The following PYROXD1 variants were observed in gnomAD, a reference collection of about 807,000 sequenced individuals.
PYROXD1 encodes the protein pyridine nucleotide-disulphide oxidoreductase domain 1.
A neutral mutation model predicts 62.0 loss-of-function variants in PYROXD1; 42 were observed. The ratio of observed to expected loss-of-function variants is 0.68; its 90% CI spans 0.53 to 0.88. The LOEUF (loss-of-function observed/expected upper bound fraction) is 0.88. PYROXD1 is among the 40% of genes least tolerant of loss of function. The pLI, the probability that PYROXD1 is intolerant of heterozygous loss-of-function variation, is 0.00. For missense variants in PYROXD1, 493 were observed against 604.8 expected (o/e 0.82, Z 1.94); for synonymous variants, 170 against 206.4 (o/e 0.82, Z 1.51).
In PYROXD1 at chr12:21,462,024, T is replaced by C. The variant is rs531199434; in HGVS notation, c.897T>C (p.Tyr299=). 6.2e-7 allele frequency: 1 copy of C among 1,610,210 alleles called. No individual in the cohort carries two copies. Among genetic ancestry groups the C allele is most frequent in the Admixed American group, 1.7e-5 (1 of 59,942 alleles). The part of the protein sequence containing the change: ...VTADTEMWPV[Y]VELTNEKIYG... ...TTCTTAAAGAGATGTGGCCTGTCTA[T>C]GTGGAATTGACCAATGAAAAGATAT... Residue 299 remains tyrosine, a synonymous_variant, in exon 9 of 12, where the codon TAT becomes TAC. Transcript: ENST00000240651.
chr12:21,448,697 A>G (rs11610942), intron 3 of PYROXD1, among the ~76,000 whole-genome samples: 54,793 of 152,106 alleles, frequency 0.36, 11,262 homozygotes, highest in South Asian at 0.51. Context: ...ACTTGGCACA[A>G]ACATTAACCC....
chr12:21,451,558 T>G (rs978618582), intron 4 of PYROXD1, among the ~76,000 whole-genome samples: 1 of 152,130 alleles, frequency 6.6e-6, no homozygotes, highest in African/African-American at 2.4e-5. Context: ...AGTCCCTTAT[T>G]TCCATTTATA....
rs1942919626 is a variant in PYROXD1, at chr12:21,470,453, T to G, written c.*1699T>G. The G allele has an allele frequency of 8.1e-7, 1 of 1,227,770 alleles. No homozygotes were observed. Among genetic ancestry groups the G allele is most frequent in the African/African-American group, 1.5e-5 (1 of 65,074 alleles). The allele number at this position is 1,227,770 out of a possible 1,614,324, so 76.1% of individuals were successfully genotyped here. On this transcript the variant is annotated 3_prime_UTR_variant, in exon 12 of 12. Coordinates refer to ENST00000240651, the MANE Select transcript of PYROXD1 (RefSeq NM_024854.5). Reference sequence around the variant, plus strand: ...AAATATTCTTTCTGTATCAGTTGGCTTTTTAAGTATACAGGGGTCTAGTTT... The same window carrying G: ...AAATATTCTTTCTGTATCAGTTGGCGTTTTAAGTATACAGGGGTCTAGTTT...
intron 7 of PYROXD1, among the ~76,000 whole-genome samples, chr12:21,457,430 A>C (rs984588734): frequency 3.1e-5 from 4 of 129,316 alleles, no homozygotes; most frequent in Middle Eastern, 4.2e-3. Context: ...TTTTGAAATG[A>C]ATCTTTTTTT....
In PYROXD1 at chr12:21,467,187, T is replaced by C. The variant is rs1942811406; in HGVS notation, c.1117-294T>C. ...ATTTTTGAAGAAGGGACTGGTTAAT[T>C]AAAACATTTTTCTCACCTGGTATAG... On this transcript the variant is annotated intron_variant, in intron 10 of 11. Transcript: ENST00000240651. 4 of 225,336 alleles carry C rather than the reference T, an allele frequency of 1.8e-5. No homozygotes were observed. The Admixed American group carries it at 2.3e-4, about 13-fold the overall frequency. 14.0% of individuals were successfully genotyped at this position (225,336 alleles called of 1,614,324 possible).
In PYROXD1 at chr12:21,451,787, A is replaced by G. The variant is rs80193295; in HGVS notation, c.415-294A>G. Among the ~76,000 whole-genome samples, 423 of 152,282 alleles carry G rather than the reference A, an allele frequency of 2.8e-3. 2 individuals carry two copies. The highest frequency in any genetic ancestry group is 9.8e-3 in the African/African-American group (406 of 41,558). On this transcript the variant is annotated intron_variant, in intron 4 of 11. Transcript: ENST00000240651. Reference sequence around the variant, plus strand: ...TGGTCAAATAATTGGGAATGTGGTAAGTTAATAGTGCCTCCTGCCGAAATT... The same window carrying G: ...TGGTCAAATAATTGGGAATGTGGTAGGTTAATAGTGCCTCCTGCCGAAATT...
intron 10 of PYROXD1, among the ~76,000 whole-genome samples, chr12:21,465,114 G>A (rs569719814): frequency 5.3e-5 from 8 of 152,262 alleles, no homozygotes; most frequent in African/African-American, 1.7e-4. Flanking sequence ...ATTGTGAATA[G>A]TGCCGCTATA....
intron 1 of PYROXD1, chr12:21,438,133 CTTTTTATTTT>C (rs1379440014): frequency 1.6e-5 from 5 of 316,034 alleles, no homozygotes; most frequent in African/African-American, 6.5e-5. Context: ...AGCCCCCTTT[CTTTTTATTTT>C]TTTTTCTTTT....
chr12:21,439,605 TA>T (rs200941252), intron 1 of PYROXD1, among the ~76,000 whole-genome samples: 7 of 150,954 alleles, frequency 4.6e-5, no homozygotes, highest in African/African-American at 4.9e-5. Flanking sequence ...CCATCTCCAT[TA>T]AAAAAAAAAT....
Position 21,470,147 on chromosome 12 carries a change from A to G in PYROXD1, c.*1393A>G, listed in dbSNP as rs1320158874. ...TGTCTAACTACAAAAATAATGGCAT[A>G]TACATGCATAAACCATCTTTAATTA... On this transcript the variant is annotated 3_prime_UTR_variant, in exon 12 of 12. Transcript: ENST00000240651. The G allele has an allele frequency of 8.2e-5, 131 of 1,598,466 alleles. No homozygotes were observed. Among genetic ancestry groups the G allele is most frequent in the Admixed American group, 2.6e-4 (15 of 57,436 alleles).
chr12:21,464,386 C>A (rs1942753497), intron 10 of PYROXD1, among the ~76,000 whole-genome samples: 1 of 151,790 alleles, frequency 6.6e-6, no homozygotes, highest in African/African-American at 2.4e-5. Context: ...GACCCCCAGC[C>A]ATAAACTGCC....
chr12:21,471,172 CTA>C lies in PYROXD1; in HGVS notation c.*2422_*2423del. 2 of 1,374,056 alleles carry C rather than the reference CTA, an allele frequency of 1.5e-6. No individual in the cohort carries two copies. Among genetic ancestry groups the C allele is most frequent in the African/African-American group, 3.0e-5 (2 of 66,948 alleles). The allele number at this position is 1,374,056 out of a possible 1,614,324, so 85.1% of individuals were successfully genotyped here. A position where few individuals can be genotyped will look rare whatever the true frequency, so the allele number is the denominator to read the frequency against. ...GAAAACAAATTTATAAAAGAAATAA[CTA>C]TATGCGCAGTAATTCTTAACACATT... On this transcript the variant is annotated 3_prime_UTR_variant, in exon 12 of 12. Transcript: ENST00000240651.
chr12:21,462,980 G>A, intron 10 of PYROXD1, 118 bp downstream of exon 10: 1 of 871,074 alleles, frequency 1.1e-6, no homozygotes, highest in South Asian at 2.1e-5. Flanking sequence ...TAGGAAGCTA[G>A]CACAGTTGTT....
At chr12:21,464,811 G>C (rs1472028679) in intron 10 of PYROXD1, among the ~76,000 whole-genome samples, 7 of 151,454 alleles carry the variant, frequency 4.6e-5, no homozygotes, top group Non-Finnish European at 8.8e-5. Context: ...GTGCCATGTT[G>C]GTGTGCTGCA....
chr12:21,455,340 A>G (rs1296118085), intron 6 of PYROXD1, 48 bp downstream of exon 6: 6 of 1,225,974 alleles, frequency 4.9e-6, no homozygotes, highest in Non-Finnish European at 6.5e-6. Flanking sequence ...ACTTTTTTAA[A>G]ACCATATAGA....
intron 11 of PYROXD1, among the ~76,000 whole-genome samples, 189 bp downstream of exon 11, chr12:21,467,807 T>C (rs1942830113): frequency 6.6e-6 from 1 of 152,006 alleles, no homozygotes. Flanking sequence ...ATCTGATAAT[T>C]ATCCACCTTA....
chr12:21,465,344 T>G (rs1217126896), intron 10 of PYROXD1, among the ~76,000 whole-genome samples: 1 of 152,218 alleles, frequency 6.6e-6, no homozygotes, highest in African/African-American at 2.4e-5. Flanking sequence ...GTTTCCTGAC[T>G]TTTTAATGAT....
At chr12:21,456,749 G>A (rs1049897009) in intron 7 of PYROXD1, 7 of 355,124 alleles carry the variant, frequency 2.0e-5, no homozygotes, top group African/African-American at 8.7e-5. Flanking sequence ...TGTAGCGTGC[G>A]AAGCTGTTTT....
intron 5 of PYROXD1, chr12:21,454,892 G>A: frequency 3.5e-6 from 1 of 282,662 alleles, no homozygotes; most frequent in Non-Finnish European, 6.6e-6. Context: ...TTGATATTCA[G>A]TACATGTATT....
Sources: allele counts gnomAD v4.1 joint callset (sites outside exome capture counted in the v4.1 genomes callset), GRCh38; gene constraint gnomAD v4.1.1; transcripts MANE v1.5; gene names NCBI Gene and HGNC (gene_info 2026-07-23, HGNC 2026-07-21).